The following RCAN2 variants were observed in gnomAD, a reference collection of about 807,000 sequenced individuals.
RCAN2 encodes the protein regulator of calcineurin 2.
RCAN2 carries 9 observed loss-of-function variants against 23.6 expected under a neutral mutation model. The ratio of observed to expected loss-of-function variants is 0.38; its 90% CI spans 0.23 to 0.67. The LOEUF (loss-of-function observed/expected upper bound fraction) is 0.67. RCAN2 is among the 30% of genes least tolerant of loss of function. The probability of loss-of-function intolerance (pLI) is 0.51; values close to 1 mark genes in which losing one functional copy is unlikely to be tolerated. For synonymous variants in RCAN2, 109 were observed against 115.7 expected, an observed-to-expected ratio of 0.94 and a Z score of 0.37; for missense variants, 273 against 302.3, an observed-to-expected ratio of 0.90 and a Z score of 0.72.
At chr6:46,318,050 T>C (rs545278801) in intron 2 of RCAN2, among the ~76,000 whole-genome samples, 2 of 152,312 alleles carry the variant, frequency 1.3e-5, no homozygotes, top group East Asian at 3.9e-4. Context: ...CTTGATAACA[T>C]ATAATATTGA....
chr6:46,307,457 AG>A (rs1476191715), intron 2 of RCAN2, among the ~76,000 whole-genome samples: 1 of 152,050 alleles, frequency 6.6e-6, no homozygotes, highest in Admixed American at 6.6e-5. Flanking sequence ...TAAGAGAGGC[AG>A]GGGGTCATGG....
At chr6:46,322,874 G>A (rs1375385459) in intron 2 of RCAN2, among the ~76,000 whole-genome samples, 1 of 152,202 alleles carries the variant, frequency 6.6e-6, no homozygotes, top group Non-Finnish European at 1.5e-5. Context: ...ACCTTTCTTC[G>A]TGATAAGAGT....
chr6:46,256,809 T>A (rs1307244961), intron 2 of RCAN2, among the ~76,000 whole-genome samples: 3 of 152,182 alleles, frequency 2.0e-5, no homozygotes, highest in Non-Finnish European at 4.4e-5. Flanking sequence ...TGTAGAAACA[T>A]ACATTGAAGC....
intron 2 of RCAN2, among the ~76,000 whole-genome samples, chr6:46,256,977 G>A (rs898781732): frequency 2.0e-5 from 3 of 152,094 alleles, no homozygotes; most frequent in African/African-American, 7.2e-5. Flanking sequence ...GAATAAAGAT[G>A]GGCCTGATCT....
At chr6:46,356,042 A>AAGACAC (rs1331692508) in intron 2 of RCAN2, among the ~76,000 whole-genome samples, 1 of 152,188 alleles carries the variant, frequency 6.6e-6, no homozygotes, top group Admixed American at 6.5e-5. Flanking sequence ...TCTGTTTGTA[A>AAGACAC]AGACACAGAC....
At chr6:46,266,632 G>A (rs993221646) in intron 2 of RCAN2, among the ~76,000 whole-genome samples, 2 of 152,168 alleles carry the variant, frequency 1.3e-5, no homozygotes, top group Non-Finnish European at 2.9e-5. Context: ...GTACATCCAT[G>A]AGAATGAGAC....
intron 2 of RCAN2, among the ~76,000 whole-genome samples, chr6:46,376,106 A>G (rs1254407152): frequency 6.6e-6 from 1 of 152,136 alleles, no homozygotes; most frequent in Non-Finnish European, 1.5e-5. Flanking sequence ...TGTTGGTTAT[A>G]TTCCAGACAA....
chr6:46,377,650 C>A (rs551406471), intron 2 of RCAN2, among the ~76,000 whole-genome samples: 2 of 152,158 alleles, frequency 1.3e-5, no homozygotes, highest in South Asian at 2.1e-4. Flanking sequence ...TAAATGAGAA[C>A]CTTACTTCCT....
chr6:46,437,061 ATG>A (rs1463770767), intron 2 of RCAN2, among the ~76,000 whole-genome samples: 1 of 152,154 alleles, frequency 6.6e-6, no homozygotes, highest in Non-Finnish European at 1.5e-5. Context: ...GCTTCCATTT[ATG>A]CTTCAGTTGG....
At chr6:46,233,072 G>A (rs898377704) in intron 4 of RCAN2, among the ~76,000 whole-genome samples, 1 of 152,170 alleles carries the variant, frequency 6.6e-6, no homozygotes, top group East Asian at 1.9e-4. Context: ...AGGGATGGAA[G>A]CTGAGAATGC....
At chr6:46,419,005 G>A (rs966278222) in intron 2 of RCAN2, among the ~76,000 whole-genome samples, 3 of 151,624 alleles carry the variant, frequency 2.0e-5, no homozygotes, top group Admixed American at 6.6e-5. Context: ...GCAGTGAGCC[G>A]AGATAGCAAA....
intron 2 of RCAN2, among the ~76,000 whole-genome samples, chr6:46,272,653 A>G (rs1282004313): frequency 6.6e-6 from 1 of 152,252 alleles, no homozygotes; most frequent in Non-Finnish European, 1.5e-5. Context: ...AACTGTGTTA[A>G]CATTCTTTGT....
intron 2 of RCAN2, among the ~76,000 whole-genome samples, chr6:46,402,513 G>A (rs1766278613): frequency 6.6e-6 from 1 of 152,202 alleles, no homozygotes; most frequent in East Asian, 1.9e-4. Context: ...ATTACTCTAA[G>A]TTTGTCTCTG....
chr6:46,369,524 T>A (rs759935684), intron 2 of RCAN2, among the ~76,000 whole-genome samples: 15 of 152,258 alleles, frequency 9.9e-5, no homozygotes, highest in Non-Finnish European at 1.5e-4. Flanking sequence ...GGCTACCACA[T>A]CACTAGGTAA....
intron 4 of RCAN2, among the ~76,000 whole-genome samples, chr6:46,233,395 G>A (rs1765966279): frequency 6.6e-6 from 1 of 152,114 alleles, no homozygotes; most frequent in South Asian, 2.1e-4. Context: ...TCTTACATTT[G>A]CAGGGGAAGC....
intron 2 of RCAN2, among the ~76,000 whole-genome samples, chr6:46,339,014 C>CAAAAA (rs3997300): frequency 0.42 from 19,591 of 47,046 alleles, 4,895 homozygotes; most frequent in Non-Finnish European, 0.53. Context: ...GACCCTGTCT[C>CAAAAA]AAAAAAAAAA....
At chr6:46,374,685 T>C (rs1353811236) in intron 2 of RCAN2, among the ~76,000 whole-genome samples, 1 of 152,228 alleles carries the variant, frequency 6.6e-6, no homozygotes, top group Non-Finnish European at 1.5e-5. Context: ...TTTCAGCCTA[T>C]TTTAAACATA....
intron 2 of RCAN2, among the ~76,000 whole-genome samples, chr6:46,288,674 A>G (rs1236644010): frequency 6.6e-6 from 1 of 152,242 alleles, no homozygotes; most frequent in Non-Finnish European, 1.5e-5. Flanking sequence ...TTATTCCTCC[A>G]TTTCCTCTTT....
At chr6:46,480,541 G>C (rs1297986831) in intron 1 of RCAN2, among the ~76,000 whole-genome samples, 1 of 152,148 alleles carries the variant, frequency 6.6e-6, no homozygotes, top group African/African-American at 2.4e-5. Flanking sequence ...TTATGTCACA[G>C]AGATGTGGTA....
Sources: allele counts gnomAD v4.1 joint callset (sites outside exome capture counted in the v4.1 genomes callset), GRCh38; gene constraint gnomAD v4.1.1; transcripts MANE v1.5; gene names NCBI Gene and HGNC (gene_info 2026-07-23, HGNC 2026-07-21).